SMYD3: variants seen among roughly 807,000 people sequenced by gnomAD.
SMYD3 encodes SET and MYND domain containing 3, also known as histone-lysine N-methyltransferase SMYD3.
Under a neutral mutation model 57.7 loss-of-function variants are expected in SMYD3, and 36 were observed. The observed-to-expected ratio is 0.62, with a 90% CI of 0.48 to 0.82. SMYD3 has a LOEUF of 0.82. Among genes scored for constraint, SMYD3 ranks in the 40% least tolerant of loss-of-function variants. The probability of loss-of-function intolerance (pLI) is 0.00; values close to 1 mark genes in which losing one functional copy is unlikely to be tolerated. For missense variants in SMYD3, 515 were observed against 538.8 expected (o/e 0.96, Z 0.44); for synonymous variants, 211 against 195.0 (o/e 1.08, Z -0.68).
intron 1 of SMYD3, among the ~76,000 whole-genome samples, chr1:246,383,868 C>T (rs2066428215): frequency 6.6e-6 from 1 of 152,194 alleles, no homozygotes; most frequent in African/African-American, 2.4e-5. Flanking sequence ...ATATTACAAG[C>T]TTGCTAGCTT....
intron 5 of SMYD3, among the ~76,000 whole-genome samples, chr1:246,185,394 G>A (rs935322621): frequency 2.7e-5 from 4 of 149,122 alleles, no homozygotes; most frequent in Admixed American, 1.3e-4. Context: ...CCGCCAACAC[G>A]CCCGGCTAAT....
intron 1 of SMYD3, among the ~76,000 whole-genome samples, chr1:246,467,656 C>G (rs1374764079): frequency 6.6e-6 from 1 of 152,168 alleles, no homozygotes; most frequent in Non-Finnish European, 1.5e-5. Context: ...CAGGACCTGA[C>G]AGCTTCACTG....
At position 246,134,738 on chromosome 1, in the gene SMYD3, T is replaced by C. The variant is rs951941460; in HGVS notation, c.531+192463A>G. Among the ~76,000 whole-genome samples, 14 of 151,664 alleles carry C rather than the reference T, an allele frequency of 9.2e-5. No individual in the cohort carries two copies. The East Asian group carries it at 1.9e-3, about 21-fold the overall frequency. ...TGACTTTTAGAGGGTTAAATAACCA[T>C]GCAGCTTTCCATTTGCATCTACACC... On this transcript the variant is annotated intron_variant, in intron 5 of 11. Coordinates refer to ENST00000490107, the MANE Select transcript of SMYD3 (RefSeq NM_001167740.2).
chr1:246,223,270 T>A (rs530644468), intron 5 of SMYD3, among the ~76,000 whole-genome samples: 1 of 152,180 alleles, frequency 6.6e-6, no homozygotes, highest in African/African-American at 2.4e-5. Flanking sequence ...AAGACAGCAG[T>A]GTTGCCAGAG....
At chr1:246,470,754 GA>G (rs1033063130) in intron 1 of SMYD3, among the ~76,000 whole-genome samples, 7 of 151,450 alleles carry the variant, frequency 4.6e-5, no homozygotes, top group Non-Finnish European at 7.4e-5. Flanking sequence ...TGGACTAAAG[GA>G]AAAAAATGCA....
At chr1:245,862,669 A>G (rs1437462638) in intron 9 of SMYD3, among the ~76,000 whole-genome samples, 1 of 152,228 alleles carries the variant, frequency 6.6e-6, no homozygotes, top group Admixed American at 6.5e-5. Flanking sequence ...ATGACACTGA[A>G]TCATGTAACA....
intron 5 of SMYD3, among the ~76,000 whole-genome samples, chr1:246,294,949 A>T (rs879828764): frequency 2.0e-5 from 3 of 152,310 alleles, no homozygotes; most frequent in Admixed American, 2.0e-4. Flanking sequence ...TGAGAATAAT[A>T]TATCTATTTT....
At chr1:246,047,026 A>G (rs1384956555) in intron 5 of SMYD3, among the ~76,000 whole-genome samples, 2 of 152,200 alleles carry the variant, frequency 1.3e-5, no homozygotes, top group African/African-American at 2.4e-5. Flanking sequence ...AAAGATAAAC[A>G]TATGTTCCTG....
chr1:246,423,296 CAA>C (rs11386183), intron 1 of SMYD3, among the ~76,000 whole-genome samples: 5 of 120,218 alleles, frequency 4.2e-5, no homozygotes, highest in Admixed American at 1.6e-4. Context: ...GACTCCAACT[CAA>C]AAAAAAAAAA....
At chr1:246,354,632 T>G (rs1241759938) in intron 2 of SMYD3, among the ~76,000 whole-genome samples, 1 of 132,342 alleles carries the variant, frequency 7.6e-6, no homozygotes, top group African/African-American at 2.9e-5. Context: ...CAAGAATTCA[T>G]GCCAGATTAA....
chr1:245,881,465 G>A lies in SMYD3; in HGVS notation c.814-17579C>T, dbSNP rs139041722. On this transcript the variant is annotated intron_variant, in intron 8 of 11. Coordinates refer to ENST00000490107, the MANE Select transcript of SMYD3 (RefSeq NM_001167740.2). ...AAACTACCATGAAATTGTTTTATGA[G>A]TAAAAGTCATTTTGAAGCATCAGGT... Among the ~76,000 whole-genome samples, 528 of 152,252 alleles carry A rather than the reference G, an allele frequency of 3.5e-3. 2 individuals carry two copies. Among genetic ancestry groups the A allele is most frequent in the African/African-American group, 0.012 (486 of 41,556 alleles).
At chr1:245,956,195 G>C in intron 5 of SMYD3, 1 of 330,240 alleles carries the variant, frequency 3.0e-6, no homozygotes, top group Non-Finnish European at 4.3e-6. Flanking sequence ...TGGGATTATA[G>C]GCGTGAGCCA....
intron 5 of SMYD3, among the ~76,000 whole-genome samples, chr1:246,009,140 G>A (rs1408234339): frequency 6.6e-6 from 1 of 152,168 alleles, no homozygotes; most frequent in Non-Finnish European, 1.5e-5. Context: ...CGACAGGTGT[G>A]TATCGTTGGG....
Position 246,004,896 on chromosome 1 carries a change from G to A in SMYD3, c.532-74959C>T, listed in dbSNP as rs1282107833. 2.0e-5 allele frequency among the ~76,000 whole-genome samples: 3 copies of A among 152,178 alleles called. No individual in the cohort carries two copies. The South Asian group carries it at 6.2e-4, about 32-fold the overall frequency. ...GTCTCACTCTGTCACCCAGGTTGGA[G>A]AGCAGTGGTGCAATCATGACTCGCT... On this transcript the variant is annotated intron_variant, in intron 5 of 11. Transcript: ENST00000490107.
In SMYD3 at chr1:246,421,534, A is replaced by G. The variant is rs189325069; in HGVS notation, c.165-66440T>C. Among the ~76,000 whole-genome samples the G allele has an allele frequency of 2.3e-3, 346 of 152,316 alleles. 2 individuals are homozygous for G. The highest frequency in any genetic ancestry group is 4.2e-3 in the Non-Finnish European group (284 of 68,032). On this transcript the variant is annotated intron_variant, in intron 1 of 11. Transcript: ENST00000490107. ...TAATGTCATTTCATTATTTTATTGT[A>G]AGTCACAGAGCCCCCAGGTCTATAT...
chr1:246,048,947 C>A (rs536088861), intron 5 of SMYD3, among the ~76,000 whole-genome samples: 1 of 151,906 alleles, frequency 6.6e-6, no homozygotes, highest in Non-Finnish European at 1.5e-5. Context: ...AAACAGGAGG[C>A]GATAGTTATT....
chr1:246,491,426 G>A (rs1047788954), intron 1 of SMYD3, among the ~76,000 whole-genome samples: 1 of 152,026 alleles, frequency 6.6e-6, no homozygotes, highest in African/African-American at 2.4e-5. Flanking sequence ...GGTAATTCCA[G>A]CTAGCGGGGA....
At chr1:245,813,005 CTTTTTTTTT>C (rs770448717) in intron 10 of SMYD3, among the ~76,000 whole-genome samples, 3 of 75,628 alleles carry the variant, frequency 4.0e-5, no homozygotes, top group Admixed American at 1.5e-4. Flanking sequence ...GAGACAGCTT[CTTTTTTTTT>C]TTTTTTTTTT....
intron 1 of SMYD3, among the ~76,000 whole-genome samples, chr1:246,481,625 T>TACAC (rs1553354812): frequency 1.1e-5 from 1 of 90,442 alleles, no homozygotes; most frequent in African/African-American, 5.6e-5. Flanking sequence ...CATATATACA[T>TACAC]ACATACATAC....
Sources: gnomAD v4.1 joint callset for allele counts (sites outside exome capture counted in the v4.1 genomes callset) on GRCh38, gnomAD v4.1.1 for gene constraint, MANE v1.5 for transcripts, NCBI Gene and HGNC (gene_info 2026-07-23, HGNC 2026-07-21) for gene names.